The following FGF9 variants were observed in gnomAD, a reference collection of about 807,000 sequenced individuals.
FGF9 encodes the protein fibroblast growth factor 9 (glia-activating factor).
In FGF9, 3 loss-of-function variants were observed where a neutral mutation model predicts 19.9. The ratio of observed to expected loss-of-function variants is 0.15; its 90% CI spans 0.07 to 0.39. The LOEUF is 0.39. Among genes scored for constraint, FGF9 ranks in the 10% least tolerant of loss-of-function variants. FGF9 has a pLI of 1.00. For synonymous variants in FGF9, 107 were observed against 106.9 expected (o/e 1.00, Z -0.01); for missense variants, 175 against 256.8 (o/e 0.68, Z 2.18).
In FGF9 at chr13:21,701,313, G is replaced by T; in HGVS notation, c.505G>T (p.Asp169Tyr). Residue 169 changes from aspartate to tyrosine, a missense_variant, in exon 3 of 3, where the codon GAT (aspartate) becomes TAT (tyrosine). By Grantham distance (160) the Asp-to-Tyr change is radical (BLOSUM62 -3). This residue lies in a region of FGF9 where 101 missense variants were observed against 160.7 expected (regional missense o/e 0.63). Transcript: ENST00000382353. ...GRRYYVALNKDGTPREGTRTK... is the reference protein window; with the variant it reads ...GRRYYVALNKYGTPREGTRTK... ...GCGATACTATGTTGCATTAAATAAA[G>T]ATGGGACCCCGAGAGAAGGGACTAG... is the stretch of plus-strand genomic sequence containing the variant. 6.2e-7 allele frequency: 1 copy of T among 1,614,052 alleles called. No individual in the cohort carries two copies. The highest frequency in any genetic ancestry group is 8.5e-7 in the Non-Finnish European group (1 of 1,180,012).
chr13:21,680,154 T>C (rs1039537146), intron 1 of FGF9, among the ~76,000 whole-genome samples: 9 of 152,166 alleles, frequency 5.9e-5, no homozygotes, highest in African/African-American at 2.2e-4. Context: ...ATTGTGTCGA[T>C]TTGATTTTGG....
At chr13:21,694,998 T>G (rs1285748745) in intron 2 of FGF9, among the ~76,000 whole-genome samples, 1 of 152,164 alleles carries the variant, frequency 6.6e-6, no homozygotes, top group Non-Finnish European at 1.5e-5. Context: ...GTGGTATATT[T>G]GGCAGGTTCT....
rs17070004 is a variant in FGF9 at position 21,672,581 on chromosome 13, C to A, written c.277+392C>A. ...AGAACTTAATGCAGTTTCTTGAAGGCAGTGGGTATCTTGTGCCCAAATTAA... is the reference window on the plus strand; with the variant it reads ...AGAACTTAATGCAGTTTCTTGAAGGAAGTGGGTATCTTGTGCCCAAATTAA... On this transcript the variant is annotated intron_variant, in intron 1 of 2. Coordinates refer to ENST00000382353, the MANE Select transcript of FGF9 (RefSeq NM_002010.3). The surrounding 1 kb of genome is among the most constrained non-coding windows in gnomAD (Gnocchi z 4.2). Among the ~76,000 whole-genome samples, 180 of 152,344 alleles carry A rather than the reference C, an allele frequency of 1.2e-3. No homozygotes were observed. Among genetic ancestry groups the A allele is most frequent in the African/African-American group, 4.0e-3 (168 of 41,580 alleles).
chr13:21,685,135 G>T (rs1872129690), intron 2 of FGF9, among the ~76,000 whole-genome samples: 1 of 152,140 alleles, frequency 6.6e-6, no homozygotes, highest in African/African-American at 2.4e-5. Flanking sequence ...CTAACATTTG[G>T]AGCCTCCAGG....
intron 1 of FGF9, among the ~76,000 whole-genome samples, chr13:21,677,837 G>A (rs1012822473): frequency 1.4e-4 from 22 of 152,126 alleles, no homozygotes; most frequent in Non-Finnish European, 7.3e-5. Context: ...TTCCACCTGG[G>A]GTCTGTAGGT....
chr13:21,671,140 C>G lies in FGF9; in HGVS notation c.-773C>G, dbSNP rs1012670935. Among the ~76,000 whole-genome samples the G allele has an allele frequency of 3.9e-5, 6 of 152,196 alleles. No homozygotes were observed. Among genetic ancestry groups the G allele is most frequent in the Non-Finnish European group, 5.9e-5 (4 of 68,014 alleles). Reference sequence around the variant, plus strand: ...CGCCCGGCTACAACGCTCCGCGAGCCGGCGCGGCAACACCTGTTCGCGGCA... The same window carrying G: ...CGCCCGGCTACAACGCTCCGCGAGCGGGCGCGGCAACACCTGTTCGCGGCA... On this transcript the variant is annotated 5_prime_UTR_variant, in exon 1 of 3. Transcript: ENST00000382353.
intron 1 of FGF9, among the ~76,000 whole-genome samples, chr13:21,674,589 G>T (rs150075677): frequency 6.6e-6 from 1 of 151,972 alleles, no homozygotes; most frequent in African/African-American, 2.4e-5. Flanking sequence ...TGGATCAGCC[G>T]AGCCTGTCTT....
chr13:21,701,768 G>T lies in FGF9; in HGVS notation c.*333G>T, dbSNP rs545440454. The T allele has an allele frequency of 6.3e-6, 2 of 315,338 alleles. No individual in the cohort carries two copies. The highest frequency in any genetic ancestry group is 1.4e-4 in the East Asian group (2 of 13,912). 19.5% of individuals were successfully genotyped at this position (315,338 alleles called of 1,614,324 possible). A position where few individuals can be genotyped will look rare whatever the true frequency, so the allele number is the denominator to read the frequency against. ...GTGTGTAGCGGGAGATGTGGGCGGA[G>T]CGAGAGCAAAAGGACTGCGGCCTGA... is the stretch of plus-strand genomic sequence containing the variant. On this transcript the variant is annotated 3_prime_UTR_variant, in exon 3 of 3. Transcript: ENST00000382353.
chr13:21,693,072 T>C (rs1391927568), intron 2 of FGF9, among the ~76,000 whole-genome samples: 1 of 152,166 alleles, frequency 6.6e-6, no homozygotes, highest in Non-Finnish European at 1.5e-5. Flanking sequence ...TAAGGCACAA[T>C]TTTTAAAAAG....
At chr13:21,679,709 C>T (rs1000648288) in intron 1 of FGF9, among the ~76,000 whole-genome samples, 4 of 147,376 alleles carry the variant, frequency 2.7e-5, no homozygotes, top group Admixed American at 2.1e-4. Context: ...GAAGCCGAGG[C>T]GGGTCGATCA....
chr13:21,674,829 G>C (rs557370294), intron 1 of FGF9, among the ~76,000 whole-genome samples: 1 of 151,898 alleles, frequency 6.6e-6, no homozygotes, highest in Non-Finnish European at 1.5e-5. Flanking sequence ...GGCCACGCGG[G>C]AGGGGAGGGC....
Position 21,672,021 on chromosome 13 carries a change from C to A in FGF9, c.109C>A (p.Leu37Met). 1 of 1,614,234 alleles carries A rather than the reference C, an allele frequency of 6.2e-7. No individual in the cohort carries two copies. Among genetic ancestry groups the A allele is most frequent in the Middle Eastern group, 1.6e-4 (1 of 6,062 alleles). The change falls in exon 1 of 3, where the codon CTG (leucine) becomes ATG (methionine). Residue 37 changes from leucine to methionine, a missense_variant. Around this residue, in one of 3 missense-constraint regions of FGF9, gnomAD observed 69 missense variants for 73.6 expected, o/e 0.94. Transcript: ENST00000382353. The surrounding 1 kb of genome is among the most constrained non-coding windows in gnomAD (Gnocchi z 4.2). Reference sequence around the variant, plus strand: ...CAGCCCGGTTTTGTTAAGTGACCACCTGGGTCAGTCCGAAGCAGGGGGGCT... The same window carrying A: ...CAGCCCGGTTTTGTTAAGTGACCACATGGGTCAGTCCGAAGCAGGGGGGCT... Reference protein sequence around the residue: ...VDSPVLLSDHLGQSEAGGLPR... With the variant: ...VDSPVLLSDHMGQSEAGGLPR...
At chr13:21,673,651 G>GC (rs1350018887) in intron 1 of FGF9, among the ~76,000 whole-genome samples, 2 of 152,148 alleles carry the variant, frequency 1.3e-5, no homozygotes, top group Non-Finnish European at 2.9e-5. Flanking sequence ...TTTAAGGGCT[G>GC]CCACCCTGCC....
In FGF9 at chr13:21,672,300, C is replaced by T; in HGVS notation, c.277+111C>T. ...GTGGGAAGGGTTCTCCCCTCCTCCC[C>T]TCTTTCTCTGTATCTCTGTCTCTCT... On this transcript the variant is annotated intron_variant, in intron 1 of 2. Transcript: ENST00000382353. The surrounding 1 kb of genome is among the most constrained non-coding windows in gnomAD (Gnocchi z 4.2). 1.7e-6 allele frequency: 2 copies of T among 1,179,860 alleles called. No individual in the cohort carries two copies. Among genetic ancestry groups the T allele is most frequent in the Non-Finnish European group, 2.5e-6 (2 of 795,446 alleles). 73.1% of individuals were successfully genotyped at this position (1,179,860 alleles called of 1,614,324 possible). A position where few individuals can be genotyped will look rare whatever the true frequency, so the allele number is the denominator to read the frequency against.
chr13:21,698,576 C>A (rs555909217), intron 2 of FGF9, among the ~76,000 whole-genome samples: 1 of 152,176 alleles, frequency 6.6e-6, no homozygotes, highest in Non-Finnish European at 1.5e-5. Flanking sequence ...AGGCTTCTCA[C>A]TCCAACGTCA....
intron 2 of FGF9, among the ~76,000 whole-genome samples, chr13:21,700,108 T>C (rs923220113): frequency 2.6e-5 from 4 of 151,952 alleles, no homozygotes; most frequent in Non-Finnish European, 4.4e-5. Context: ...GTTGTGGGGT[T>C]CAACTGAACC....
intron 2 of FGF9, among the ~76,000 whole-genome samples, chr13:21,698,088 G>A (rs1050353713): frequency 3.3e-5 from 5 of 152,198 alleles, no homozygotes; most frequent in African/African-American, 7.2e-5. Flanking sequence ...GATTACAGGC[G>A]TGAGCCACTG....
chr13:21,688,731 A>G (rs564111862), intron 2 of FGF9, among the ~76,000 whole-genome samples: 1 of 151,168 alleles, frequency 6.6e-6, no homozygotes, highest in African/African-American at 2.4e-5. Context: ...AATATTTCTT[A>G]CACAGATGTG....
intron 1 of FGF9, among the ~76,000 whole-genome samples, chr13:21,674,882 G>A (rs972994843): frequency 6.6e-6 from 1 of 151,774 alleles, no homozygotes; most frequent in African/African-American, 2.4e-5. Flanking sequence ...GACAGCGGCG[G>A]GCTACAGTGG....
Sources: allele counts gnomAD v4.1 joint callset (sites outside exome capture counted in the v4.1 genomes callset), GRCh38; gene constraint gnomAD v4.1.1; regional missense constraint gnomAD v4.1.1; non-coding constraint Gnocchi (gnomAD v3.1); transcripts MANE v1.5; gene names NCBI Gene and HGNC (gene_info 2026-07-23, HGNC 2026-07-21).